Variants in CHSY3 observed in about 807,000 individuals in gnomAD.
The protein encoded by CHSY3 is N-acetylgalactosaminyl-proteoglycan 3-beta-glucuronosyltransferase 3.
A neutral mutation model predicts 67.2 loss-of-function variants in CHSY3; 35 were observed. That is an observed-to-expected ratio of 0.52 (90% CI 0.40 to 0.69). CHSY3 has a LOEUF of 0.69. CHSY3 is among the 30% of genes least tolerant of loss of function. The pLI is 0.00. For missense variants in CHSY3, 1,069 were observed against 1,138.5 expected (o/e 0.94, Z 0.88); for synonymous variants, 474 against 434.7 (o/e 1.09, Z -1.12).
intron 2 of CHSY3, among the ~76,000 whole-genome samples, chr5:130,162,629 G>A (rs1054096312): frequency 1.3e-5 from 2 of 152,148 alleles, no homozygotes; most frequent in East Asian, 3.9e-4. Context: ...GGAACTTCTG[G>A]GCTCAAGAGA....
At chr5:130,144,727 G>A (rs1769019343) in intron 2 of CHSY3, among the ~76,000 whole-genome samples, 1 of 152,038 alleles carries the variant, frequency 6.6e-6, no homozygotes, top group Non-Finnish European at 1.5e-5. Flanking sequence ...GAACAAAGCT[G>A]GAGTCATTCC....
intron 2 of CHSY3, among the ~76,000 whole-genome samples, chr5:129,946,675 C>T (rs1761864005): frequency 1.3e-5 from 2 of 152,138 alleles, no homozygotes; most frequent in African/African-American, 4.8e-5. Flanking sequence ...TTAGATTCCA[C>T]ATATAAGTGC....
intron 2 of CHSY3, among the ~76,000 whole-genome samples, chr5:130,044,859 A>G (rs1336096880): frequency 1.3e-5 from 2 of 152,142 alleles, no homozygotes; most frequent in Non-Finnish European, 2.9e-5. Context: ...GTAACACAGA[A>G]GGATGACAGA....
chr5:129,945,226 C>T (rs924689589), intron 2 of CHSY3, among the ~76,000 whole-genome samples: 3 of 152,152 alleles, frequency 2.0e-5, no homozygotes, highest in South Asian at 2.1e-4. Context: ...TGAAGATGGA[C>T]ATTAGGAAAC....
At chr5:129,967,203 GAGAA>G in intron 2 of CHSY3, among the ~76,000 whole-genome samples, 1 of 151,896 alleles carries the variant, frequency 6.6e-6, no homozygotes, top group South Asian at 2.1e-4. Context: ...TATATAGGGT[GAGAA>G]AGACTTTGAA....
chr5:130,119,162 AG>A (rs1767922585), intron 2 of CHSY3, among the ~76,000 whole-genome samples: 1 of 152,118 alleles, frequency 6.6e-6, no homozygotes, highest in South Asian at 2.1e-4. Context: ...AGGTGCAGAG[AG>A]GATATATAGT....
At chr5:129,939,406 C>T (rs1166351749) in intron 2 of CHSY3, among the ~76,000 whole-genome samples, 1 of 152,146 alleles carries the variant, frequency 6.6e-6, no homozygotes, top group Non-Finnish European at 1.5e-5. Flanking sequence ...TGTATTCACT[C>T]TTGTCAAAAG....
At chr5:130,095,354 T>C (rs1288705947) in intron 2 of CHSY3, among the ~76,000 whole-genome samples, 5 of 152,146 alleles carry the variant, frequency 3.3e-5, no homozygotes, top group Non-Finnish European at 7.4e-5. Context: ...AAAATACAAG[T>C]TGCATCTAGA....
chr5:130,136,382 G>A (rs552991500), intron 2 of CHSY3, among the ~76,000 whole-genome samples: 1 of 152,284 alleles, frequency 6.6e-6, no homozygotes, highest in East Asian at 1.9e-4. Flanking sequence ...AAACCTAAGG[G>A]ACAGTCATGA....
intron 2 of CHSY3, among the ~76,000 whole-genome samples, chr5:129,961,900 A>G (rs1010303655): frequency 6.6e-6 from 1 of 151,582 alleles, no homozygotes; most frequent in Non-Finnish European, 1.5e-5. Context: ...TCTACAGGTG[A>G]CTCTACTCCT....
In CHSY3 at chr5:129,932,680, G is replaced by A. The variant is rs190379532; in HGVS notation, c.1086+24320G>A. Among the ~76,000 whole-genome samples the A allele has an allele frequency of 6.6e-5, 10 of 152,100 alleles. No homozygotes were observed. The East Asian group carries it at 1.5e-3, about 24-fold the overall frequency. ...ATATTAAATGCAATAATGTTTCCGT[G>A]TTTCCCAGAAAGTTCTTATGCTAAT... On this transcript the variant is annotated intron_variant, in intron 2 of 2. Transcript: ENST00000305031.
At chr5:130,063,959 A>G (rs755698369) in intron 2 of CHSY3, among the ~76,000 whole-genome samples, 14 of 152,256 alleles carry the variant, frequency 9.2e-5, no homozygotes, top group Admixed American at 4.6e-4. Flanking sequence ...AAACCATAGC[A>G]TGATAATTAG....
chr5:130,141,609 G>C, intron 2 of CHSY3: 1 of 507,802 alleles, frequency 2.0e-6, no homozygotes, highest in Non-Finnish European at 3.9e-6. Context: ...CTGAAGATGA[G>C]AAGCAGAAGG....
intron 2 of CHSY3, among the ~76,000 whole-genome samples, chr5:130,112,408 A>G (rs1447675312): frequency 1.3e-5 from 2 of 152,034 alleles, no homozygotes; most frequent in African/African-American, 4.8e-5. Flanking sequence ...CCACAGTTTC[A>G]TAGTCAGTAA....
chr5:130,129,840 C>A (rs561240943), intron 2 of CHSY3, among the ~76,000 whole-genome samples: 1 of 151,782 alleles, frequency 6.6e-6, no homozygotes, highest in South Asian at 2.1e-4. Context: ...AAGGACCCAA[C>A]GAAAGAAAGC....
chr5:129,942,370 C>T (rs1761724985), intron 2 of CHSY3, among the ~76,000 whole-genome samples: 1 of 152,032 alleles, frequency 6.6e-6, no homozygotes. Flanking sequence ...AAATGTTGAT[C>T]CCTAAAATTT....
At chr5:130,080,388 G>A (rs1766409007) in intron 2 of CHSY3, among the ~76,000 whole-genome samples, 1 of 152,060 alleles carries the variant, frequency 6.6e-6, no homozygotes, top group Admixed American at 6.6e-5. Context: ...GCTGAGAACT[G>A]ATTGCTGTAA....
intron 2 of CHSY3, among the ~76,000 whole-genome samples, chr5:130,172,805 A>G (rs974441226): frequency 6.6e-6 from 1 of 152,148 alleles, no homozygotes; most frequent in East Asian, 1.9e-4. Context: ...TTCTATTTCT[A>G]TAAATTTGAC....
intron 1 of CHSY3, among the ~76,000 whole-genome samples, chr5:129,906,184 T>A (rs1390669816): frequency 6.6e-6 from 1 of 152,172 alleles, no homozygotes; most frequent in African/African-American, 2.4e-5. Context: ...GACCCTTTCC[T>A]ATGTGTTCCC....
Sources: allele counts gnomAD v4.1 joint callset (sites outside exome capture counted in the v4.1 genomes callset), GRCh38; gene constraint gnomAD v4.1.1; transcripts MANE v1.5; gene names NCBI Gene and HGNC (gene_info 2026-07-23, HGNC 2026-07-21).